HECW1: variants seen among roughly 807,000 people sequenced by gnomAD.
HECW1 encodes the protein HECT, C2 and WW domain containing E3 ubiquitin protein ligase 1.
Under a neutral mutation model 182.3 loss-of-function variants are expected in HECW1, and 61 were observed. The observed-to-expected ratio is 0.33, with a 90% CI of 0.27 to 0.41. The LOEUF (loss-of-function observed/expected upper bound fraction) is 0.41. Ranked by LOEUF, HECW1 falls within the 10% of genes least tolerant of loss-of-function variation. The probability of loss-of-function intolerance (pLI) is 1.00; values close to 1 mark genes in which losing one functional copy is unlikely to be tolerated. For synonymous variants in HECW1, 859 were observed against 832.6 expected, an observed-to-expected ratio of 1.03 and a Z score of -0.55; for missense variants, 1,739 against 2,108.9, an observed-to-expected ratio of 0.82 and a Z score of 3.44.
chr7:43,437,040 A>G (rs1341414548), intron 8 of HECW1, among the ~76,000 whole-genome samples: 1 of 152,108 alleles, frequency 6.6e-6, no homozygotes, highest in African/African-American at 2.4e-5. Flanking sequence ...TAACAAATGA[A>G]TACTTTAGAA....
intron 2 of HECW1, among the ~76,000 whole-genome samples, chr7:43,154,547 T>C (rs1583720458): frequency 1.3e-5 from 2 of 152,280 alleles, no homozygotes; most frequent in South Asian, 2.1e-4. Context: ...TTCACGAGCA[T>C]TTGTATTGTT....
chr7:43,246,530 A>G (rs17172184), intron 3 of HECW1, among the ~76,000 whole-genome samples: 56,812 of 151,966 alleles, frequency 0.37, 11,415 homozygotes, highest in African/African-American at 0.52. Context: ...GTCTCTAGGT[A>G]ATTCTGGTAT....
Position 43,216,891 on chromosome 7 carries a change from G to C in HECW1, c.-31-26984G>C, listed in dbSNP as rs371472883. 1.6e-4 allele frequency among the ~76,000 whole-genome samples: 24 copies of C among 152,160 alleles called. No individual in the cohort carries two copies. The East Asian group carries it at 3.7e-3, about 23-fold the overall frequency. ...GCTGGCCTCGAACCCCTGGCCTCAAGTGATCCTCCCATCTCAGCCTCCTAA... is the reference window on the plus strand; with the variant it reads ...GCTGGCCTCGAACCCCTGGCCTCAACTGATCCTCCCATCTCAGCCTCCTAA... On this transcript the variant is annotated intron_variant, in intron 2 of 29. Coordinates refer to ENST00000395891, the MANE Select transcript of HECW1 (RefSeq NM_015052.5).
At chr7:43,349,096 G>A (rs369560904) in intron 5 of HECW1, among the ~76,000 whole-genome samples, 8 of 152,016 alleles carry the variant, frequency 5.3e-5, no homozygotes, top group East Asian at 1.9e-4. Context: ...ATGCAATGGC[G>A]CACTCTCGGC....
At chr7:43,467,880 G>T (rs984152752) in intron 15 of HECW1, among the ~76,000 whole-genome samples, 10 of 152,134 alleles carry the variant, frequency 6.6e-5, no homozygotes, top group East Asian at 1.9e-4. Context: ...GGCTGCAAAG[G>T]GGGGGATCAG....
intron 7 of HECW1, among the ~76,000 whole-genome samples, chr7:43,403,375 G>A (rs2075492330): frequency 6.6e-6 from 1 of 152,134 alleles, no homozygotes; most frequent in South Asian, 2.1e-4. Context: ...GGAAGGCTAT[G>A]GTATGGTAGA....
rs375759338 is a variant in HECW1 at position 43,319,304 on chromosome 7, G to A, written c.353-1331G>A. On this transcript the variant is annotated intron_variant, in intron 4 of 29. Transcript: ENST00000395891. The stretch of plus-strand genomic sequence containing the variant: ...CGGGAGGCTGAGGCAGGAGAATGGC[G>A]TGAACCCGGGAAGCGGAGCTTGCAG... Among the ~76,000 whole-genome samples the A allele has an allele frequency of 1.9e-3, 288 of 149,062 alleles. 2 individuals carry two copies. Among genetic ancestry groups the A allele is most frequent in the African/African-American group, 4.7e-3 (192 of 40,506 alleles).
At chr7:43,425,297 AGATAGAT>A (rs947238523) in intron 8 of HECW1, among the ~76,000 whole-genome samples, 1 of 121,498 alleles carries the variant, frequency 8.2e-6, no homozygotes, top group African/African-American at 3.3e-5. Context: ...GTAGATAGAT[AGATAGAT>A]GATAGATAGA....
intron 7 of HECW1, among the ~76,000 whole-genome samples, chr7:43,397,095 T>G (rs144512842): frequency 1.3e-5 from 2 of 152,326 alleles, no homozygotes; most frequent in East Asian, 3.9e-4. Context: ...AAGTAATAGA[T>G]GTGAAAGCAT....
intron 4 of HECW1, among the ~76,000 whole-genome samples, chr7:43,319,814 T>C (rs1428268792): frequency 6.7e-6 from 1 of 148,650 alleles, no homozygotes; most frequent in African/African-American, 2.5e-5. Context: ...TGTTTCACCA[T>C]GTTGGCCATG....
intron 2 of HECW1, among the ~76,000 whole-genome samples, chr7:43,241,852 A>AC (rs1187667183): frequency 6.6e-6 from 1 of 152,128 alleles, no homozygotes; most frequent in Non-Finnish European, 1.5e-5. Context: ...AATAATAACT[A>AC]CAGGGTACTA....
intron 3 of HECW1, among the ~76,000 whole-genome samples, chr7:43,293,345 C>T (rs576721082): frequency 8.9e-4 from 136 of 152,296 alleles, no homozygotes; most frequent in Non-Finnish European, 8.7e-4. Context: ...TCAAATACCC[C>T]CTAGAGGTTT....
At chr7:43,274,637 G>T (rs1336728145) in intron 3 of HECW1, 1 of 356,910 alleles carries the variant, frequency 2.8e-6, no homozygotes, top group African/African-American at 2.1e-5. Context: ...CGCCCCGGGG[G>T]AGGGAGGGAG....
intron 5 of HECW1, among the ~76,000 whole-genome samples, chr7:43,322,138 C>T (rs1810210315): frequency 6.6e-6 from 1 of 152,152 alleles, no homozygotes; most frequent in Admixed American, 6.5e-5. Flanking sequence ...GGCACAATCT[C>T]GGCTCACTGC....
intron 2 of HECW1, among the ~76,000 whole-genome samples, chr7:43,190,584 G>A (rs1010090106): frequency 6.6e-6 from 1 of 152,142 alleles, no homozygotes; most frequent in Non-Finnish European, 1.5e-5. Flanking sequence ...TCAGTTGTCC[G>A]GTGATGTATT....
At chr7:43,128,713 C>G (rs1786553001) in intron 2 of HECW1, among the ~76,000 whole-genome samples, 1 of 152,156 alleles carries the variant, frequency 6.6e-6, no homozygotes, top group African/African-American at 2.4e-5. Context: ...TCTGCTGGAT[C>G]TGGGTAGAGT....
At chr7:43,119,240 G>C (rs975310559) in intron 2 of HECW1, 1 of 152,238 alleles carries the variant, frequency 6.6e-6, no homozygotes, top group Admixed American at 6.5e-5. Context: ...GTTGTCATTA[G>C]GGTCACCAAT....
intron 8 of HECW1, among the ~76,000 whole-genome samples, chr7:43,420,776 C>T (rs1388596503): frequency 1.3e-5 from 2 of 152,178 alleles, no homozygotes; most frequent in East Asian, 3.9e-4. Flanking sequence ...TGCACTACCA[C>T]TTTGCTGAGA....
chr7:43,541,902 T>C lies in HECW1; in HGVS notation c.4152T>C (p.Asp1384=). The C allele has an allele frequency of 6.5e-7, 1 of 1,544,904 alleles. No individual in the cohort carries two copies. The highest frequency in any genetic ancestry group is 2.0e-5 in the Admixed American group (1 of 50,670). ...ATTTGAGTGACCTGGAATATTTGGA[T>C]GAGGAATTCCACCAGAGTTTGCAGT... is the stretch of plus-strand genomic sequence containing the variant. ...PCDLSDLEYL[D]EEFHQSLQWM... The change falls in exon 26 of 30, where the codon GAT becomes GAC. Residue 1384 remains aspartate (D), a synonymous_variant. Coordinates refer to ENST00000395891, the MANE Select transcript of HECW1 (RefSeq NM_015052.5).
Sources: gnomAD v4.1 joint callset for allele counts (sites outside exome capture counted in the v4.1 genomes callset) on GRCh38, gnomAD v4.1.1 for gene constraint, MANE v1.5 for transcripts, NCBI Gene and HGNC (gene_info 2026-07-23, HGNC 2026-07-21) for gene names.